KCNS3: variants seen among roughly 807,000 people sequenced by gnomAD.
KCNS3 encodes the protein delayed-rectifier potassium channel regulatory subunit KCNS3.
In KCNS3, 13 loss-of-function variants were observed where a neutral mutation model predicts 31.0. The ratio of observed to expected loss-of-function variants is 0.42; its 90% CI spans 0.27 to 0.67. The LOEUF (loss-of-function observed/expected upper bound fraction) is 0.67. KCNS3 is among the 30% of genes least tolerant of loss of function. KCNS3 has a pLI of 0.25. For synonymous variants in KCNS3, 238 were observed against 241.5 expected (o/e 0.99, Z 0.13); for missense variants, 545 against 622.4 (o/e 0.88, Z 1.32).
chr2:17,920,326 A>C (rs1339544627), intron 2 of KCNS3, among the ~76,000 whole-genome samples: 1 of 152,252 alleles, frequency 6.6e-6, no homozygotes, highest in African/African-American at 2.4e-5. Flanking sequence ...AAGCAGGTGC[A>C]TTATCAGAGA....
intron 2 of KCNS3, among the ~76,000 whole-genome samples, chr2:17,930,166 CTG>C (rs1233411016): frequency 6.6e-6 from 1 of 152,114 alleles, no homozygotes; most frequent in Admixed American, 6.5e-5. Context: ...TGGGGACTGT[CTG>C]TGATGGGAAG....
At chr2:17,885,919 TG>T (rs1239949042) in intron 1 of KCNS3, among the ~76,000 whole-genome samples, 5 of 152,134 alleles carry the variant, frequency 3.3e-5, no homozygotes, top group Non-Finnish European at 5.9e-5. Flanking sequence ...GATAACCTGA[TG>T]GGGCATTAAA....
chr2:17,883,751 A>G (rs1674695072), intron 1 of KCNS3, among the ~76,000 whole-genome samples: 1 of 151,802 alleles, frequency 6.6e-6, no homozygotes, highest in African/African-American at 2.4e-5. Flanking sequence ...TCATCCCATT[A>G]CTGGGTATAT....
intron 1 of KCNS3, among the ~76,000 whole-genome samples, chr2:17,905,305 G>A (rs373601857): frequency 1.6e-3 from 248 of 152,272 alleles, no homozygotes; most frequent in Non-Finnish European, 2.1e-3. Context: ...TTTGCACATT[G>A]ATTTTGTATC....
At chr2:17,915,514 A>G (rs534448353) in intron 1 of KCNS3, among the ~76,000 whole-genome samples, 3 of 152,142 alleles carry the variant, frequency 2.0e-5, no homozygotes, top group South Asian at 2.1e-4. Flanking sequence ...TTTCCACACT[A>G]ATTGAACTCA....
At chr2:17,887,265 C>T (rs993466972) in intron 1 of KCNS3, among the ~76,000 whole-genome samples, 3 of 151,964 alleles carry the variant, frequency 2.0e-5, no homozygotes, top group Non-Finnish European at 4.4e-5. Flanking sequence ...ATCCCTCCCC[C>T]ACTCCCACTC....
intron 1 of KCNS3, among the ~76,000 whole-genome samples, chr2:17,913,141 A>AG (rs1662512216): frequency 6.6e-6 from 1 of 151,758 alleles, no homozygotes; most frequent in East Asian, 1.9e-4. Flanking sequence ...TTATTTAATT[A>AG]AACACTGGGT....
intron 2 of KCNS3, among the ~76,000 whole-genome samples, chr2:17,928,298 ACT>A (rs1459039073): frequency 6.6e-6 from 1 of 152,008 alleles, no homozygotes; most frequent in Non-Finnish European, 1.5e-5. Context: ...ACAGAGTCTG[ACT>A]CTGTCACCGA....
chr2:17,905,226 C>G (rs7568363), intron 1 of KCNS3, among the ~76,000 whole-genome samples: 1 of 152,156 alleles, frequency 6.6e-6, no homozygotes, highest in Non-Finnish European at 1.5e-5. Flanking sequence ...GAAGCAAGTG[C>G]GAATGGGACT....
chr2:17,900,122 C>T (rs1255436512), intron 1 of KCNS3, among the ~76,000 whole-genome samples: 12 of 152,090 alleles, frequency 7.9e-5, no homozygotes, highest in Admixed American at 7.9e-4. Context: ...CATCTTAATG[C>T]CTGGTTCTCT....
chr2:17,878,639 T>A (rs932908188), upstream of KCNS3: 38 of 147,616 alleles, frequency 2.6e-4, no homozygotes, highest in African/African-American at 6.2e-4. Flanking sequence ...CCCGGGAGCC[T>A]CGCTCTAGCG....
At chr2:17,895,779 A>G (rs541470472) in intron 1 of KCNS3, among the ~76,000 whole-genome samples, 9 of 152,318 alleles carry the variant, frequency 5.9e-5, no homozygotes, top group African/African-American at 1.9e-4. Context: ...TCTTGAAGAC[A>G]GAACTGGAGT....
intron 1 of KCNS3, among the ~76,000 whole-genome samples, chr2:17,913,680 A>G (rs948311784): frequency 6.6e-6 from 1 of 152,240 alleles, no homozygotes; most frequent in African/African-American, 2.4e-5. Flanking sequence ...ACAATTTGTC[A>G]TTCCCAGTCT....
intron 1 of KCNS3, among the ~76,000 whole-genome samples, chr2:17,893,664 T>G (rs549110567): frequency 6.6e-5 from 10 of 152,298 alleles, no homozygotes; most frequent in Admixed American, 5.9e-4. Context: ...AGTTGGAAAC[T>G]TCTCCTGCAA....
At chr2:17,898,656 TC>T (rs1662088273) in intron 1 of KCNS3, among the ~76,000 whole-genome samples, 1 of 152,102 alleles carries the variant, frequency 6.6e-6, no homozygotes, top group African/African-American at 2.4e-5. Context: ...TAAAGACTAA[TC>T]TCCTAGCCTT....
intron 1 of KCNS3, among the ~76,000 whole-genome samples, chr2:17,886,195 A>G (rs1043957587): frequency 6.6e-6 from 1 of 152,186 alleles, no homozygotes; most frequent in Non-Finnish European, 1.5e-5. Flanking sequence ...GGGCTTCAAC[A>G]TGCTTATATA....
chr2:17,891,767 G>A (rs146304815), intron 1 of KCNS3, among the ~76,000 whole-genome samples: 3 of 152,262 alleles, frequency 2.0e-5, no homozygotes, highest in Non-Finnish European at 4.4e-5. Flanking sequence ...GTCCCTTTTA[G>A]CTTGCAGGGT....
intron 1 of KCNS3, among the ~76,000 whole-genome samples, chr2:17,884,268 A>AAATATATATAT (rs1459540269): frequency 6.4e-5 from 3 of 46,696 alleles, no homozygotes; most frequent in African/African-American, 2.3e-4. Context: ...AAAAAAAAAA[A>AAATATATATAT]ATATATATAT....
At chr2:17,890,737 GA>G (rs1435962403) in intron 1 of KCNS3, among the ~76,000 whole-genome samples, 2 of 152,156 alleles carry the variant, frequency 1.3e-5, no homozygotes, top group Non-Finnish European at 2.9e-5. Flanking sequence ...GCATGGTTTT[GA>G]AGTTTCCTTT....
Sources: gnomAD v4.1 joint callset for allele counts (sites outside exome capture counted in the v4.1 genomes callset) on GRCh38, gnomAD v4.1.1 for gene constraint, MANE v1.5 for transcripts, NCBI Gene and HGNC (gene_info 2026-07-23, HGNC 2026-07-21) for gene names.